MIER2: variants seen among roughly 807,000 people sequenced by gnomAD.
The protein encoded by MIER2 is MIER family member 2, also known as mesoderm induction early response protein 2.
In MIER2, 30 loss-of-function variants were observed where a neutral mutation model predicts 67.6. The observed-to-expected ratio is 0.44, with a 90% CI of 0.33 to 0.60. The LOEUF (loss-of-function observed/expected upper bound fraction) is 0.60. Among genes scored for constraint, MIER2 ranks in the 20% least tolerant of loss-of-function variants. MIER2 has a pLI of 0.02. For missense variants in MIER2, 702 were observed against 745.1 expected (o/e 0.94, Z 0.67); for synonymous variants, 372 against 312.6 (o/e 1.19, Z -2.00).
intron 1 of MIER2, among the ~76,000 whole-genome samples, chr19:337,925 G>A (rs866817755): frequency 2.1e-5 from 3 of 141,154 alleles, no homozygotes; most frequent in Non-Finnish European, 3.0e-5. Context: ...TGTAATCCCA[G>A]CACTTTGGGA....
rs371464688 is a variant in MIER2 at position 334,574 on chromosome 19, C to T, written c.101-32G>A. On this transcript the variant is annotated intron_variant, in intron 2 of 13. Coordinates refer to ENST00000264819, the MANE Select transcript of MIER2 (RefSeq NM_017550.3). ...AGAAGAGAGCAGCCCAGGTGAGCAC[C>T]GTGCCTCGCCTGTCCCAACCATCCT... is the stretch of plus-strand genomic sequence containing the variant. 30 of 1,605,376 alleles carry T rather than the reference C, an allele frequency of 1.9e-5. No homozygotes were observed. The African/African-American group carries it at 2.4e-4, about 13-fold the overall frequency.
intron 6 of MIER2, among the ~76,000 whole-genome samples, chr19:326,092 G>T (rs186946563): frequency 6.6e-6 from 1 of 152,266 alleles, no homozygotes; most frequent in African/African-American, 2.4e-5. Context: ...AGCAGGACCC[G>T]GCTGCGGTTA....
intron 8 of MIER2, 54 bp downstream of exon 8, chr19:313,438 G>A: frequency 6.3e-7 from 1 of 1,583,490 alleles, no homozygotes; most frequent in Non-Finnish European, 8.5e-7. Flanking sequence ...TGTGAGCTCT[G>A]GCCCACGCCA....
chr19:335,816 C>T (rs554602932), intron 2 of MIER2, among the ~76,000 whole-genome samples: 4 of 152,228 alleles, frequency 2.6e-5, no homozygotes, highest in African/African-American at 9.6e-5. Context: ...TCGGTGCAGG[C>T]GTGTGCCCGG....
chr19:322,518 C>G (rs540776654), intron 7 of MIER2, among the ~76,000 whole-genome samples: 2 of 152,038 alleles, frequency 1.3e-5, no homozygotes, highest in East Asian at 1.9e-4. Context: ...GGAAAGACAA[C>G]AAAATGGGAG....
intron 7 of MIER2, among the ~76,000 whole-genome samples, chr19:325,398 T>C (rs1169811233): frequency 1.3e-5 from 2 of 152,108 alleles, no homozygotes; most frequent in African/African-American, 4.8e-5. Flanking sequence ...GCTGAGGGTC[T>C]GGCTGCACAG....
chr19:317,531 A>AAAATAAATAAATAAAT (rs370133340), intron 7 of MIER2, among the ~76,000 whole-genome samples: 2,565 of 143,946 alleles, frequency 0.018, 26 homozygotes, highest in South Asian at 0.046. Context: ...TGTCTCAGAA[A>AAAATAAATAAATAAAT]AAATAAATAA....
intron 1 of MIER2, among the ~76,000 whole-genome samples, chr19:340,889 AG>A (rs767986115): frequency 4.6e-5 from 7 of 152,132 alleles, no homozygotes; most frequent in Non-Finnish European, 8.8e-5. Flanking sequence ...AAGAGCCAGC[AG>A]GGCCCCCAGG....
intron 6 of MIER2, among the ~76,000 whole-genome samples, chr19:325,965 G>A (rs756062323): frequency 1.3e-5 from 2 of 152,218 alleles, no homozygotes; most frequent in Non-Finnish European, 2.9e-5. Context: ...AACACTCTGG[G>A]TCAGCAGCAG....
intron 7 of MIER2, among the ~76,000 whole-genome samples, chr19:323,329 C>T (rs143536106): frequency 1.4e-5 from 2 of 148,014 alleles, no homozygotes; most frequent in Admixed American, 1.3e-4. Flanking sequence ...TACAACCACG[C>T]AGACGACTCG....
intron 9 of MIER2, 97 bp from the exon 10 acceptor site, chr19:312,036 G>C (rs1457620670): frequency 8.4e-7 from 1 of 1,187,746 alleles, no homozygotes; most frequent in South Asian, 1.5e-5. Flanking sequence ...CGGCGCCCAG[G>C]GCGGGGCCGC....
intron 6 of MIER2, 87 bp from the exon 7 acceptor site, chr19:325,791 C>G: frequency 7.0e-7 from 1 of 1,432,070 alleles, no homozygotes; most frequent in Non-Finnish European, 9.8e-7. Flanking sequence ...GGCAGGCTTA[C>G]GGGGAGGGGC....
intron 1 of MIER2, chr19:344,332 G>A: frequency 1.1e-5 from 11 of 984,872 alleles, no homozygotes; most frequent in Non-Finnish European, 1.3e-5. Flanking sequence ...GGGAGCGCGG[G>A]GCGCCTGGCG....
chr19:330,816 G>A (rs571400455), intron 3 of MIER2, among the ~76,000 whole-genome samples: 3 of 152,276 alleles, frequency 2.0e-5, no homozygotes, highest in African/African-American at 4.8e-5. Context: ...AACCCACTCT[G>A]CTGGACCTTG....
At chr19:317,683 T>C (rs935586864) in intron 7 of MIER2, among the ~76,000 whole-genome samples, 2 of 143,998 alleles carry the variant, frequency 1.4e-5, no homozygotes, top group African/African-American at 5.2e-5. Flanking sequence ...TGAAGTAAGA[T>C]CGCATCACTG....
At chr19:319,693 G>A (rs548148807) in intron 7 of MIER2, among the ~76,000 whole-genome samples, 6 of 152,144 alleles carry the variant, frequency 3.9e-5, no homozygotes, top group East Asian at 1.9e-4. Flanking sequence ...TCCTGGCCTC[G>A]TGATCCGCCC....
chr19:325,343 T>C (rs571982144), intron 7 of MIER2, among the ~76,000 whole-genome samples: 3 of 152,102 alleles, frequency 2.0e-5, no homozygotes, highest in African/African-American at 4.8e-5. Flanking sequence ...GGGAGGCGGC[T>C]GGAGTCAAGG....
At position 311,939 on chromosome 19, in the gene MIER2, T is replaced by C. The variant is rs1318490449; in HGVS notation, c.890A>G (p.Asp297Gly). Residue 297 changes from aspartate to glycine, a missense_variant and splice_region_variant, in exon 10 of 14, where the codon GAT becomes GGT. Around this residue, in one of 3 missense-constraint regions of MIER2, gnomAD observed 128 missense variants for 189.7 expected, o/e 0.67. Coordinates refer to ENST00000264819, the MANE Select transcript of MIER2 (RefSeq NM_017550.3). ...CTCTTCACTCCAAGCACAGAGCCCA[T>C]CTGCAAACACGGCCGGGGAGAACGG... ...RLRFNVKVIR[D>G]GLCAWSEEEC... 1.9e-6 allele frequency: 3 copies of C among 1,613,634 alleles called. No individual in the cohort carries two copies. The highest frequency in any genetic ancestry group is 1.3e-5 in the African/African-American group (1 of 74,890).
intron 2 of MIER2, among the ~76,000 whole-genome samples, chr19:335,796 A>G (rs969926915): frequency 8.5e-5 from 13 of 152,094 alleles, no homozygotes; most frequent in Non-Finnish European, 1.5e-5. Flanking sequence ...AAGATGAGGC[A>G]GCCCTCAGCT....
Sources: allele counts gnomAD v4.1 joint callset (sites outside exome capture counted in the v4.1 genomes callset), GRCh38; gene constraint gnomAD v4.1.1; regional missense constraint gnomAD v4.1.1; transcripts MANE v1.5; gene names NCBI Gene and HGNC (gene_info 2026-07-23, HGNC 2026-07-21).